The following SEMA3E variants were observed in gnomAD, a reference collection of about 807,000 sequenced individuals.
The protein encoded by SEMA3E is semaphorin 3E.
A neutral mutation model predicts 93.6 loss-of-function variants in SEMA3E; 49 were observed. That is an observed-to-expected ratio of 0.52 (90% CI 0.42 to 0.66). The LOEUF (loss-of-function observed/expected upper bound fraction) is 0.66. Among genes scored for constraint, SEMA3E ranks in the 30% least tolerant of loss-of-function variants. The pLI is 0.00. For synonymous variants in SEMA3E, 363 were observed against 330.7 expected (o/e 1.10, Z -1.06); for missense variants, 906 against 964.8 (o/e 0.94, Z 0.81).
intron 4 of SEMA3E, among the ~76,000 whole-genome samples, chr7:83,429,264 T>G: frequency 6.6e-6 from 1 of 152,164 alleles, no homozygotes; most frequent in East Asian, 1.9e-4. Flanking sequence ...TTTTAATAAA[T>G]ATTTGCTTGA....
intron 2 of SEMA3E, among the ~76,000 whole-genome samples, chr7:83,486,740 C>A (rs936014391): frequency 6.6e-6 from 1 of 152,044 alleles, no homozygotes; most frequent in Non-Finnish European, 1.5e-5. Flanking sequence ...GCATAACAAG[C>A]CTCAGGACTC....
At chr7:83,553,584 A>G (rs975754633) in intron 1 of SEMA3E, among the ~76,000 whole-genome samples, 1 of 152,174 alleles carries the variant, frequency 6.6e-6, no homozygotes, top group African/African-American at 2.4e-5. Flanking sequence ...TGAGTAATCA[A>G]TACATGCTTG....
intron 5 of SEMA3E, among the ~76,000 whole-genome samples, 162 bp downstream of exon 5, chr7:83,418,228 G>A (rs989279521): frequency 6.6e-6 from 1 of 152,162 alleles, no homozygotes. Flanking sequence ...AATTGCTCAG[G>A]TTAACATGGC....
At position 83,386,964 on chromosome 7, in the gene SEMA3E, C is replaced by A; in HGVS notation, c.1735+19G>T. The A allele has an allele frequency of 6.2e-7, 1 of 1,610,306 alleles. No homozygotes were observed. Among genetic ancestry groups the A allele is most frequent in the Non-Finnish European group, 8.5e-7 (1 of 1,177,216 alleles). Reference sequence around the variant, plus strand: ...GTATTCTCTGAGTAACCCAGAACAACTGATTTTCTATGGATTACCAACAAA... The same window carrying A: ...GTATTCTCTGAGTAACCCAGAACAAATGATTTTCTATGGATTACCAACAAA... On this transcript the variant is annotated intron_variant, in intron 15 of 16. Coordinates refer to ENST00000643230, the MANE Select transcript of SEMA3E (RefSeq NM_012431.3).
chr7:83,418,348 T>C (rs1788599182), intron 5 of SEMA3E, 42 bp downstream of exon 5: 2 of 1,355,518 alleles, frequency 1.5e-6, no homozygotes, highest in Non-Finnish European at 1.0e-6. Flanking sequence ...TGTTTTAAAA[T>C]CCTTATGACT....
intron 14 of SEMA3E, among the ~76,000 whole-genome samples, chr7:83,389,697 TACAC>T (rs977004596): frequency 2.0e-5 from 3 of 149,738 alleles, no homozygotes; most frequent in Non-Finnish European, 4.5e-5. Context: ...CATGTATACA[TACAC>T]ACATATATAC....
At chr7:83,553,452 C>T (rs1791813024) in intron 1 of SEMA3E, among the ~76,000 whole-genome samples, 1 of 152,164 alleles carries the variant, frequency 6.6e-6, no homozygotes, top group Admixed American at 6.6e-5. Flanking sequence ...GATATAGATA[C>T]ATATATACAC....
At chr7:83,470,489 A>G (rs1358368060) in intron 2 of SEMA3E, among the ~76,000 whole-genome samples, 1 of 152,040 alleles carries the variant, frequency 6.6e-6, no homozygotes, top group Non-Finnish European at 1.5e-5. Flanking sequence ...ACTTACGTGC[A>G]GAGGTTTGAG....
At chr7:83,537,040 T>TTC (rs139961038) in intron 1 of SEMA3E, among the ~76,000 whole-genome samples, 9 of 150,210 alleles carry the variant, frequency 6.0e-5, no homozygotes, top group Admixed American at 1.3e-4. Context: ...TTCTCCCCCC[T>TTC]TCTCTCTCTC....
At chr7:83,419,351 A>G (rs1018730773) in intron 4 of SEMA3E, among the ~76,000 whole-genome samples, 10 of 152,208 alleles carry the variant, frequency 6.6e-5, no homozygotes, top group Admixed American at 6.6e-4. Context: ...TAATTCTGCA[A>G]TGAACATATG....
chr7:83,403,360 G>A (rs1260551630), intron 9 of SEMA3E, among the ~76,000 whole-genome samples: 1 of 151,752 alleles, frequency 6.6e-6, no homozygotes, highest in Admixed American at 6.6e-5. Flanking sequence ...ACCACAAAGT[G>A]TCTTTAAAAT....
intron 14 of SEMA3E, among the ~76,000 whole-genome samples, chr7:83,387,444 T>C (rs1391919241): frequency 6.6e-6 from 1 of 152,128 alleles, no homozygotes; most frequent in East Asian, 1.9e-4. Flanking sequence ...AACAGTTATT[T>C]TGAGTATAAA....
chr7:83,431,646 C>G (rs1376736393), intron 4 of SEMA3E, among the ~76,000 whole-genome samples: 1 of 149,786 alleles, frequency 6.7e-6, no homozygotes, highest in African/African-American at 2.5e-5. Context: ...TCAAGTGATC[C>G]ACCCACCTCA....
chr7:83,591,278 T>G (rs946676636), intron 1 of SEMA3E, among the ~76,000 whole-genome samples: 1 of 151,950 alleles, frequency 6.6e-6, no homozygotes, highest in Non-Finnish European at 1.5e-5. Flanking sequence ...TATTGGATTA[T>G]AGGATATCAT....
intron 1 of SEMA3E, among the ~76,000 whole-genome samples, chr7:83,600,061 A>G (rs71557179): frequency 0.032 from 4,808 of 152,276 alleles, 99 homozygotes; most frequent in Non-Finnish European, 0.045. Context: ...AAAATTTATG[A>G]TATGGCTCCC....
intron 16 of SEMA3E, among the ~76,000 whole-genome samples, chr7:83,382,123 G>A (rs1048931693): frequency 6.6e-6 from 1 of 151,952 alleles, no homozygotes; most frequent in Admixed American, 6.6e-5. Context: ...ATGTCCCAAA[G>A]CATCTGAAGC....
intron 1 of SEMA3E, among the ~76,000 whole-genome samples, chr7:83,583,659 G>A (rs1792560014): frequency 6.6e-6 from 1 of 152,122 alleles, no homozygotes; most frequent in African/African-American, 2.4e-5. Flanking sequence ...CTGGTTAGAT[G>A]TTGACATGTG....
chr7:83,431,559 A>G (rs1788884017), intron 4 of SEMA3E, among the ~76,000 whole-genome samples: 1 of 152,130 alleles, frequency 6.6e-6, no homozygotes, highest in Non-Finnish European at 1.5e-5. Context: ...ACATGCCACC[A>G]TGCCCGGCTA....
intron 1 of SEMA3E, among the ~76,000 whole-genome samples, chr7:83,616,296 A>C (rs1305207700): frequency 2.0e-5 from 3 of 152,172 alleles, no homozygotes; most frequent in African/African-American, 7.2e-5. Flanking sequence ...ATTGTCATTC[A>C]TGCTATGTCC....
Sources: gnomAD v4.1 joint callset for allele counts (sites outside exome capture counted in the v4.1 genomes callset) on GRCh38, gnomAD v4.1.1 for gene constraint, MANE v1.5 for transcripts, NCBI Gene and HGNC (gene_info 2026-07-23, HGNC 2026-07-21) for gene names.